Variants in ZNF555 observed in about 807,000 individuals in gnomAD.
The protein encoded by ZNF555 is zinc finger protein 555.
In ZNF555, 10 loss-of-function variants were observed where a neutral mutation model predicts 14.0. The observed-to-expected ratio is 0.72, with a 90% CI of 0.44 to 1.21. The LOEUF is 1.21. Among genes scored for constraint, ZNF555 ranks in the 50% most tolerant of loss-of-function variants. The pLI is 0.00. For synonymous variants in ZNF555, 277 were observed against 262.4 expected (o/e 1.06, Z -0.54); for missense variants, 747 against 762.0 (o/e 0.98, Z 0.23).
rs774169934 is a variant in ZNF555, at chr19:2,853,008, A to C, written c.943A>C (p.Lys315Gln). The change falls in exon 4 of 4, where the codon AAA (lysine) becomes CAA (glutamine). Residue 315 changes from lysine to glutamine, a missense_variant. By Grantham distance (53) the Lys-to-Gln change is moderately conservative. Transcript: ENST00000334241. ...CACTGGAGAGAAGCCACATAAATGT[A>C]AAGAATGTGGGGAGGCCTTCAGTTA... ...SHTGEKPHKCKECGEAFSYSS... is the reference protein window; with the variant it reads ...SHTGEKPHKCQECGEAFSYSS... The C allele has an allele frequency of 6.2e-7, 1 of 1,614,222 alleles. No individual in the cohort carries two copies. The highest frequency in any genetic ancestry group is 8.5e-7 in the Non-Finnish European group (1 of 1,180,050).
intron 1 of ZNF555, among the ~76,000 whole-genome samples, 184 bp downstream of exon 1, chr19:2,841,759 C>T (rs914937865): frequency 1.3e-5 from 2 of 151,514 alleles, no homozygotes; most frequent in African/African-American, 4.8e-5. Flanking sequence ...GCGGCTAGGG[C>T]GCTCCGAGCT....
At chr19:2,849,271 T>C (rs750561635) in intron 1 of ZNF555, among the ~76,000 whole-genome samples, 3 of 151,952 alleles carry the variant, frequency 2.0e-5, no homozygotes, top group Non-Finnish European at 2.9e-5. Flanking sequence ...ATATGCAATA[T>C]GGAAATAATG....
chr19:2,847,165 TTC>T (rs2144847344), intron 1 of ZNF555: 1 of 152,338 alleles, frequency 6.6e-6, no homozygotes, highest in South Asian at 2.1e-4. Flanking sequence ...TTTTACCATT[TTC>T]TCTCATTTTT....
intron 1 of ZNF555, among the ~76,000 whole-genome samples, chr19:2,844,882 G>T (rs2144844349): frequency 6.6e-6 from 1 of 152,352 alleles, no homozygotes; most frequent in South Asian, 2.1e-4. Context: ...AGACCACACT[G>T]CAGTAATGAT....
chr19:2,853,014 T>C lies in ZNF555; in HGVS notation c.949T>C (p.Cys317Arg). ...AGAGAAGCCACATAAATGTAAAGAA[T>C]GTGGGGAGGCCTTCAGTTATTCTTC... ...TGEKPHKCKE[C>R]GEAFSYSSAF... Residue 317 changes from cysteine (C) to arginine (R), a missense_variant, in exon 4 of 4, where the codon TGT (cysteine) becomes CGT (arginine). By Grantham distance (180) the Cys-to-Arg change is radical. Transcript: ENST00000334241. The C allele has an allele frequency of 1.2e-6, 2 of 1,614,166 alleles. No homozygotes were observed. The highest frequency in any genetic ancestry group is 1.7e-6 in the Non-Finnish European group (2 of 1,180,034).
At chr19:2,842,545 C>G (rs890772851) in intron 1 of ZNF555, among the ~76,000 whole-genome samples, 1 of 152,094 alleles carries the variant, frequency 6.6e-6, no homozygotes, top group Non-Finnish European at 1.5e-5. Flanking sequence ...GATTTGAAGA[C>G]GTTTCTCAGT....
chr19:2,853,236 G>T lies in ZNF555; in HGVS notation c.1171G>T (p.Gly391Cys). 6.2e-7 allele frequency: 1 copy of T among 1,613,210 alleles called. No homozygotes were observed. Among genetic ancestry groups the T allele is most frequent in the South Asian group, 1.1e-5 (1 of 91,020 alleles). ...QSFRRHERTH[G>C]GEKPYECNQC... ...CTTTCGAAGACATGAAAGGACTCAT[G>T]GTGGAGAGAAACCCTATGAATGCAA... The change falls in exon 4 of 4, where the codon GGT becomes TGT. Residue 391 changes from glycine to cysteine, a missense_variant. Transcript: ENST00000334241.
Position 2,853,993 on chromosome 19 carries a change from T to G in ZNF555, c.*41T>G. 1 of 1,601,330 alleles carries G rather than the reference T, an allele frequency of 6.2e-7. No homozygotes were observed. The highest frequency in any genetic ancestry group is 8.5e-7 in the Non-Finnish European group (1 of 1,175,820). On this transcript the variant is annotated 3_prime_UTR_variant, in exon 4 of 4. Coordinates refer to ENST00000334241, the MANE Select transcript of ZNF555 (RefSeq NM_152791.5). ...AGTGGACACTCAAGGAGTGTGTCTGTAGTTCATTTGCAAATAAACATTTAG... is the reference window on the plus strand; with the variant it reads ...AGTGGACACTCAAGGAGTGTGTCTGGAGTTCATTTGCAAATAAACATTTAG...
At chr19:2,848,281 A>C (rs1224536280) in intron 1 of ZNF555, among the ~76,000 whole-genome samples, 2 of 151,106 alleles carry the variant, frequency 1.3e-5, no homozygotes, top group Non-Finnish European at 2.9e-5. Context: ...CCTCCCGAGT[A>C]GTTGGGACTA....
rs766468070 is a variant in ZNF555, at chr19:2,852,714, C to T, written c.649C>T (p.Arg217Trp). 7 of 1,614,022 alleles carry T rather than the reference C, an allele frequency of 4.3e-6. No individual in the cohort carries two copies. The highest frequency in any genetic ancestry group is 2.2e-5 in the East Asian group (1 of 44,894). The stretch of plus-strand genomic sequence containing the variant: ...CTTTCCTCGTACTTCCTCCCTCAAT[C>T]GGCATGTAAGGATTCACACTGCTGA... Reference protein sequence around the residue: ...KTFPRTSSLNRHVRIHTAEKT... With the variant: ...KTFPRTSSLNWHVRIHTAEKT... The change falls in exon 4 of 4, where the codon CGG (arginine) becomes TGG (tryptophan). Residue 217 changes from arginine (R) to tryptophan (W), a missense_variant. Coordinates refer to ENST00000334241, the MANE Select transcript of ZNF555 (RefSeq NM_152791.5).
rs2087716432 is a variant in ZNF555 at position 2,859,749 on chromosome 19, ACCTT to A, written c.*5802_*5805del. ...ACCACTCCATCAAAACGGCTGAAGG[ACCTT>A]CCTTTAGGGTTCGGGGGATCTCCTC... On this transcript the variant is annotated 3_prime_UTR_variant, in exon 4 of 4. Coordinates refer to ENST00000334241, the MANE Select transcript of ZNF555 (RefSeq NM_152791.5). 1 of 152,710 alleles carries A rather than the reference ACCTT, an allele frequency of 6.5e-6. No homozygotes were observed. Among genetic ancestry groups the A allele is most frequent in the Admixed American group, 6.5e-5 (1 of 15,270 alleles). The allele number at this position is 152,710 out of a possible 1,614,324, so 9.5% of individuals were successfully genotyped here. A position where few individuals can be genotyped will look rare whatever the true frequency, so the allele number is the denominator to read the frequency against.
At position 2,852,592 on chromosome 19, in the gene ZNF555, A is replaced by T. The variant is rs756693305; in HGVS notation, c.527A>T (p.Glu176Val). Residue 176 changes from glutamate (E) to valine (V), a missense_variant, in exon 4 of 4, where the codon GAA (glutamate) becomes GTA (valine). Transcript: ENST00000334241. ...HTGHKPYQCQECGQAYSCRSH... is the reference protein window; with the variant it reads ...HTGHKPYQCQVCGQAYSCRSH... The stretch of plus-strand genomic sequence containing the variant: ...GGACACAAACCATATCAGTGCCAGG[A>T]ATGTGGGCAGGCCTACAGTTGTCGT... 6.2e-7 allele frequency: 1 copy of T among 1,614,170 alleles called. No homozygotes were observed.
intron 1 of ZNF555, among the ~76,000 whole-genome samples, chr19:2,846,646 C>T (rs889202923): frequency 1.3e-5 from 2 of 152,200 alleles, no homozygotes; most frequent in Non-Finnish European, 2.9e-5. Flanking sequence ...AAGTCCACGC[C>T]GTTGGGATCT....
In ZNF555 at chr19:2,853,272, A is replaced by G. The variant is rs1162450912; in HGVS notation, c.1207A>G (p.Lys403Glu). 6.2e-7 allele frequency: 1 copy of G among 1,613,868 alleles called. No homozygotes were observed. The highest frequency in any genetic ancestry group is 8.5e-7 in the Non-Finnish European group (1 of 1,179,950). The change falls in exon 4 of 4, where the codon AAA becomes GAA. Residue 403 changes from lysine to glutamate, a missense_variant. Coordinates refer to ENST00000334241, the MANE Select transcript of ZNF555 (RefSeq NM_152791.5). Reference protein sequence around the residue: ...EKPYECNQCGKAFSHPSSFRG... With the variant: ...EKPYECNQCGEAFSHPSSFRG... Reference sequence around the variant, plus strand: ...ACCCTATGAATGCAACCAGTGCGGGAAAGCATTCAGTCACCCCTCCTCCTT... The same window carrying G: ...ACCCTATGAATGCAACCAGTGCGGGGAAGCATTCAGTCACCCCTCCTCCTT...
chr19:2,851,492 G>C lies in ZNF555; in HGVS notation c.155G>C (p.Ser52Thr), dbSNP rs778058539. 1.3e-6 allele frequency: 2 copies of C among 1,588,260 alleles called. No individual in the cohort carries two copies. The highest frequency in any genetic ancestry group is 1.2e-5 in the South Asian group (1 of 86,126). ...SVDDETQFKA[S>T]GSVSQQDIYG... ...GATGATGAAACTCAATTTAAGGCCA[G>C]TGGGTCAGTTTCTCAGCAGGATATT... The change falls in exon 3 of 4, where the codon AGT becomes ACT. Residue 52 changes from serine (S) to threonine (T), a missense_variant. Ser to Thr is a moderately conservative substitution (Grantham distance 58). Coordinates refer to ENST00000334241, the MANE Select transcript of ZNF555 (RefSeq NM_152791.5).
In ZNF555 at chr19:2,853,641, C is replaced by T. The variant is rs756729080; in HGVS notation, c.1576C>T (p.His526Tyr). 6.3e-7 allele frequency: 1 copy of T among 1,599,726 alleles called. No homozygotes were observed. Among genetic ancestry groups the T allele is most frequent in the East Asian group, 2.2e-5 (1 of 44,844 alleles). ...AFSWPELLQQ[H>Y]VRTHTVEKPY... ...CAGTTGGCCTGAACTTTTGCAACAA[C>T]ATGTGAGAACGCACACTGTAGAGAA... is the stretch of plus-strand genomic sequence containing the variant. Residue 526 changes from histidine (H) to tyrosine (Y), a missense_variant, in exon 4 of 4, where the codon CAT becomes TAT. Coordinates refer to ENST00000334241, the MANE Select transcript of ZNF555 (RefSeq NM_152791.5).
At chr19:2,844,118 T>TA (rs1262956699) in intron 1 of ZNF555, among the ~76,000 whole-genome samples, 1 of 113,634 alleles carries the variant, frequency 8.8e-6, no homozygotes, top group South Asian at 2.8e-4. Flanking sequence ...TTTTTTTTTT[T>TA]AAAGAGGGAG....
chr19:2,845,030 C>G (rs535530442), intron 1 of ZNF555, among the ~76,000 whole-genome samples: 4 of 152,248 alleles, frequency 2.6e-5, no homozygotes, highest in South Asian at 4.1e-4. Context: ...GGGAATATTG[C>G]ATGATGCTGA....
chr19:2,842,237 G>A (rs1469463646), intron 1 of ZNF555, among the ~76,000 whole-genome samples: 3 of 152,182 alleles, frequency 2.0e-5, no homozygotes, highest in Non-Finnish European at 4.4e-5. Flanking sequence ...CCTGAGTCCC[G>A]GTTTTCCTTC....
Sources: allele counts gnomAD v4.1 joint callset (sites outside exome capture counted in the v4.1 genomes callset), GRCh38; gene constraint gnomAD v4.1.1; transcripts MANE v1.5; gene names NCBI Gene and HGNC (gene_info 2026-07-23, HGNC 2026-07-21).